BMPR1A: variants seen among roughly 807,000 people sequenced by gnomAD.
BMPR1A encodes the protein bone morphogenetic protein receptor type-1A.
Under a neutral mutation model 66.0 loss-of-function variants are expected in BMPR1A, and 7 were observed. That is an observed-to-expected ratio of 0.11 (90% CI 0.06 to 0.20). The LOEUF (loss-of-function observed/expected upper bound fraction) is 0.20. BMPR1A is among the 10% of genes least tolerant of loss of function. The probability of loss-of-function intolerance (pLI) is 1.00; values close to 1 mark genes in which losing one functional copy is unlikely to be tolerated. For synonymous variants in BMPR1A, 200 were observed against 229.7 expected (o/e 0.87, Z 1.17); for missense variants, 408 against 669.1 (o/e 0.61, Z 4.31).
At chr10:86,922,051 C>G (rs926077693) in intron 11 of BMPR1A, among the ~76,000 whole-genome samples, 3 of 152,168 alleles carry the variant, frequency 2.0e-5, no homozygotes, top group Admixed American at 6.5e-5. Context: ...CATCCCCCCC[C>G]ATCTGCTGCT....
rs1048293127 is a variant in BMPR1A, at chr10:86,866,399, C to CTTTTTTT, written c.-152-9447_-152-9441dup. Among the ~76,000 whole-genome samples, 13 of 69,470 alleles carry CTTTTTTT rather than the reference C, an allele frequency of 1.9e-4. 1 individual carries two copies. The highest frequency in any genetic ancestry group is 3.0e-4 in the Admixed American group (2 of 6,686). The allele number at this position is 69,470 out of a possible 152,430, so 45.6% of individuals were successfully genotyped here. The stretch of plus-strand genomic sequence containing the variant: ...TGTGTTAAGTTGGGCAAGTTTCTTT[C>CTTTTTTT]TTTTTTTTTTTTTTTTTTTTTTTTT... On this transcript the variant is annotated intron_variant, in intron 2 of 12. Coordinates refer to ENST00000372037, the MANE Select transcript of BMPR1A (RefSeq NM_004329.3).
At chr10:86,780,185 C>T (rs1841415087) in intron 1 of BMPR1A, among the ~76,000 whole-genome samples, 1 of 152,038 alleles carries the variant, frequency 6.6e-6, no homozygotes, top group African/African-American at 2.4e-5. Flanking sequence ...GTTTGAGTTA[C>T]TTGTATATTC....
chr10:86,900,341 A>G (rs1843291624), intron 7 of BMPR1A, among the ~76,000 whole-genome samples: 1 of 151,752 alleles, frequency 6.6e-6, no homozygotes, highest in African/African-American at 2.4e-5. Flanking sequence ...ATGATTACTT[A>G]TGATTTTCTT....
chr10:86,914,826 T>G (rs1412718806), intron 8 of BMPR1A, among the ~76,000 whole-genome samples: 1 of 152,218 alleles, frequency 6.6e-6, no homozygotes, highest in Non-Finnish European at 1.5e-5. Context: ...AGGGCATACT[T>G]TCCGTACAAT....
At chr10:86,837,247 C>CTGTGTGTGTGTGTGTGTGTGTG (rs71019433) in intron 1 of BMPR1A, among the ~76,000 whole-genome samples, 1 of 138,106 alleles carries the variant, frequency 7.2e-6, no homozygotes, top group African/African-American at 2.7e-5. Context: ...GTGTGTGTGT[C>CTGTGTGTGTGTGTGTGTGTGTG]TGTGTGTGTG....
chr10:86,873,422 C>T (rs1379490230), intron 2 of BMPR1A, among the ~76,000 whole-genome samples: 1 of 150,132 alleles, frequency 6.7e-6, no homozygotes, highest in Admixed American at 6.7e-5. Context: ...ACCCACCGCC[C>T]CCACCCCTAT....
chr10:86,895,807 C>T (rs928176002), intron 5 of BMPR1A, among the ~76,000 whole-genome samples: 9 of 152,096 alleles, frequency 5.9e-5, no homozygotes, highest in African/African-American at 1.9e-4. Context: ...GCGGGCAGAT[C>T]GCTTGAGCTC....
In BMPR1A at chr10:86,925,056, T is replaced by C. The variant is rs1359639229; in HGVS notation, c.*1337T>C. 4.3e-6 allele frequency: 1 copy of C among 232,082 alleles called. No homozygotes were observed. Among genetic ancestry groups the C allele is most frequent in the Admixed American group, 5.6e-5 (1 of 17,768 alleles). The allele number at this position is 232,082 out of a possible 1,614,324, so 14.4% of individuals were successfully genotyped here. Reference sequence around the variant, plus strand: ...TCTGGACAGCTAAATCATTTGAGATTTTTGGTTTTTTGATTTCTATTCCCT... The same window carrying C: ...TCTGGACAGCTAAATCATTTGAGATCTTTGGTTTTTTGATTTCTATTCCCT... On this transcript the variant is annotated 3_prime_UTR_variant, in exon 13 of 13. Coordinates refer to ENST00000372037, the MANE Select transcript of BMPR1A (RefSeq NM_004329.3).
intron 2 of BMPR1A, among the ~76,000 whole-genome samples, chr10:86,840,871 C>T (rs527492173): frequency 1.1e-4 from 17 of 152,294 alleles, no homozygotes; most frequent in African/African-American, 3.8e-4. Flanking sequence ...TGTTTGAATC[C>T]TCTCTTTCCG....
chr10:86,890,481 GT>G (rs1162950296), intron 4 of BMPR1A, among the ~76,000 whole-genome samples: 1 of 151,740 alleles, frequency 6.6e-6, no homozygotes, highest in Non-Finnish European at 1.5e-5. Context: ...TAACATCTGA[GT>G]TTTTAATGAT....
chr10:86,810,554 T>C (rs1450869461), intron 1 of BMPR1A, among the ~76,000 whole-genome samples: 1 of 152,242 alleles, frequency 6.6e-6, no homozygotes, highest in East Asian at 1.9e-4. Context: ...AAGTTCCAGC[T>C]TCTCTGCATC....
At chr10:86,903,010 C>G (rs1843333688) in intron 7 of BMPR1A, among the ~76,000 whole-genome samples, 1 of 152,202 alleles carries the variant, frequency 6.6e-6, no homozygotes, top group African/African-American at 2.4e-5. Flanking sequence ...CTAGACTAAA[C>G]ATGGCTCTGG....
At chr10:86,911,627 G>A (rs188583237) in intron 7 of BMPR1A, among the ~76,000 whole-genome samples, 2 of 152,250 alleles carry the variant, frequency 1.3e-5, no homozygotes, top group East Asian at 3.9e-4. Context: ...GCACGTACCT[G>A]TAGTCCCAGC....
intron 2 of BMPR1A, among the ~76,000 whole-genome samples, chr10:86,874,219 C>T (rs1842889917): frequency 6.6e-6 from 1 of 152,122 alleles, no homozygotes; most frequent in Non-Finnish European, 1.5e-5. Flanking sequence ...ATTTATTTAA[C>T]AATTTTACTT....
chr10:86,840,908 G>C (rs549190323), intron 2 of BMPR1A, among the ~76,000 whole-genome samples: 10 of 152,232 alleles, frequency 6.6e-5, no homozygotes, highest in Admixed American at 4.6e-4. Flanking sequence ...CCAAGTTTAG[G>C]TCTTTATGTT....
At chr10:86,872,107 T>C (rs1053555690) in intron 2 of BMPR1A, among the ~76,000 whole-genome samples, 1 of 152,218 alleles carries the variant, frequency 6.6e-6, no homozygotes, top group African/African-American at 2.4e-5. Flanking sequence ...CCAATACGTA[T>C]TGAGCTCGTA....
At chr10:86,883,141 C>G (rs1052017841) in intron 3 of BMPR1A, among the ~76,000 whole-genome samples, 1 of 152,146 alleles carries the variant, frequency 6.6e-6, no homozygotes, top group Non-Finnish European at 1.5e-5. Context: ...TCTCCCTCAC[C>G]CACGTCACCC....
chr10:86,880,343 G>C lies in BMPR1A; in HGVS notation c.67+4258G>C, dbSNP rs192357837. On this transcript the variant is annotated intron_variant, in intron 3 of 12. Coordinates refer to ENST00000372037, the MANE Select transcript of BMPR1A (RefSeq NM_004329.3). ...AGTGACCTCCGCTCTGAGGCACTCT[G>C]CTCCTTTCCCATGCTAGAAAATGAC... is the stretch of plus-strand genomic sequence containing the variant. Among the ~76,000 whole-genome samples, 27 of 152,306 alleles carry C rather than the reference G, an allele frequency of 1.8e-4. No individual in the cohort carries two copies. The South Asian group carries it at 3.1e-3, about 18-fold the overall frequency.
At chr10:86,883,499 G>A (rs1389219145) in intron 3 of BMPR1A, among the ~76,000 whole-genome samples, 5 of 139,330 alleles carry the variant, frequency 3.6e-5, no homozygotes, top group South Asian at 2.4e-4. Context: ...GTAGTGAGCC[G>A]AGATCACGCC....
Sources: allele counts gnomAD v4.1 joint callset (sites outside exome capture counted in the v4.1 genomes callset), GRCh38; gene constraint gnomAD v4.1.1; transcripts MANE v1.5; gene names NCBI Gene and HGNC (gene_info 2026-07-23, HGNC 2026-07-21).